The following NBAS variants were observed in gnomAD, a reference collection of about 807,000 sequenced individuals.
NBAS encodes the protein NBAS subunit of NRZ tethering complex, also known as NAG/BC035112 fusion.
NBAS carries 219 observed loss-of-function variants against 302.5 expected under a neutral mutation model. The observed-to-expected ratio is 0.72, with a 90% CI of 0.65 to 0.81. NBAS has a LOEUF of 0.81. Among genes scored for constraint, NBAS ranks in the 30% least tolerant of loss-of-function variants. NBAS has a pLI of 0.00. For missense variants in NBAS, 2,932 were observed against 2,841.6 expected (o/e 1.03, Z -0.72); for synonymous variants, 1,118 against 1,021.6 (o/e 1.09, Z -1.80).
chr2:15,558,693 T>A (rs940808838), intron 1 of NBAS, 59 bp from the exon 2 acceptor site: 10 of 1,241,684 alleles, frequency 8.1e-6, no homozygotes, highest in Non-Finnish European at 1.2e-5. Context: ...TAGACCAGTA[T>A]TACTTATACA....
chr2:15,542,437 G>A (rs1461457556), intron 6 of NBAS, among the ~76,000 whole-genome samples: 4 of 127,972 alleles, frequency 3.1e-5, no homozygotes, highest in Non-Finnish European at 5.0e-5. Context: ...CAGCATGCTC[G>A]TTAAGAGTCA....
chr2:15,483,449 T>C (rs2148602596), intron 12 of NBAS: 1 of 288,278 alleles, frequency 3.5e-6, no homozygotes, highest in East Asian at 9.7e-5. Flanking sequence ...GAAGTACAAA[T>C]AGACAAATAA....
At chr2:15,258,226 C>T (rs1243948615) in intron 44 of NBAS, among the ~76,000 whole-genome samples, 1 of 152,012 alleles carries the variant, frequency 6.6e-6, no homozygotes, top group Non-Finnish European at 1.5e-5. Flanking sequence ...GAGGATGTAC[C>T]TCACCTCAGA....
At chr2:15,467,230 T>C (rs1679760594) in intron 19 of NBAS, 99 bp downstream of exon 19, 3 of 887,240 alleles carry the variant, frequency 3.4e-6, no homozygotes, top group East Asian at 2.5e-5. Flanking sequence ...CCCAGAAAAA[T>C]AGTTCTAAAG....
the NBAS span, among the ~76,000 whole-genome samples, chr2:15,157,401 G>T: frequency 2.0e-5 from 3 of 152,142 alleles, no homozygotes; most frequent in Admixed American, 6.5e-5. Context: ...CAGAGCAGAA[G>T]AATTCTCACA....
chr2:15,470,939 C>CA (rs900877077), intron 16 of NBAS, among the ~76,000 whole-genome samples: 4 of 150,874 alleles, frequency 2.7e-5, no homozygotes, highest in South Asian at 4.2e-4. Context: ...CCAGCCTGGG[C>CA]AAAAAAAAGC....
intron 48 of NBAS, among the ~76,000 whole-genome samples, chr2:15,211,189 G>A (rs1324694696): frequency 2.0e-5 from 3 of 152,068 alleles, no homozygotes; most frequent in Non-Finnish European, 2.9e-5. Context: ...TTATCTTGAT[G>A]TGATTTTTAT....
At chr2:14,997,206 G>C in the NBAS span, among the ~76,000 whole-genome samples, 6 of 152,142 alleles carry the variant, frequency 3.9e-5, no homozygotes, top group African/African-American at 1.4e-4. Context: ...AAAGAGAAAA[G>C]TATTGGGTAC....
At chr2:15,228,551 A>G (rs896201285) in intron 47 of NBAS, among the ~76,000 whole-genome samples, 82 of 152,240 alleles carry the variant, frequency 5.4e-4, no homozygotes, top group Non-Finnish European at 2.2e-4. Context: ...TGTTTATTGC[A>G]GTACTATTCA....
chr2:14,900,310 A>T, the NBAS span, among the ~76,000 whole-genome samples: 2 of 152,194 alleles, frequency 1.3e-5, no homozygotes, highest in Admixed American at 1.3e-4. Flanking sequence ...GACAGAAAAA[A>T]GGCATGAATG....
At chr2:15,405,936 A>G (rs1016879032) in intron 25 of NBAS, among the ~76,000 whole-genome samples, 1 of 152,110 alleles carries the variant, frequency 6.6e-6, no homozygotes, top group Non-Finnish European at 1.5e-5. Context: ...TAATAGAACA[A>G]CATCCGCTAT....
intron 44 of NBAS, among the ~76,000 whole-genome samples, chr2:15,246,677 C>T (rs1262840202): frequency 6.6e-6 from 1 of 152,162 alleles, no homozygotes; most frequent in African/African-American, 2.4e-5. Context: ...CAAATGTTTG[C>T]CATTGGGACA....
the NBAS span, among the ~76,000 whole-genome samples, chr2:15,133,570 G>A: frequency 6.6e-6 from 1 of 152,158 alleles, no homozygotes; most frequent in Non-Finnish European, 1.5e-5. Context: ...TGGGAAAATT[G>A]AGTCTGACCT....
chr2:14,835,543 A>T, the NBAS span, among the ~76,000 whole-genome samples: 2 of 151,854 alleles, frequency 1.3e-5, no homozygotes, highest in Admixed American at 6.6e-5. Flanking sequence ...CCACCTAATG[A>T]TACATTCTTA....
At chr2:15,351,063 A>T (rs939259656) in intron 35 of NBAS, among the ~76,000 whole-genome samples, 3 of 152,192 alleles carry the variant, frequency 2.0e-5, no homozygotes, top group Non-Finnish European at 4.4e-5. Flanking sequence ...ATTTTTAGTC[A>T]CCAAAATTGA....
At chr2:15,553,874 CTCTCTCTCCCT>C (rs1664512142) in intron 4 of NBAS, among the ~76,000 whole-genome samples, 176 bp downstream of exon 4, 1 of 36,760 alleles carries the variant, frequency 2.7e-5, no homozygotes, top group Non-Finnish European at 1.4e-4. Flanking sequence ...CTCTCTCCCT[CTCTCTCTCCCT>C]CTCTCTCTTT....
the NBAS span, among the ~76,000 whole-genome samples, chr2:14,963,681 T>G: frequency 6.6e-6 from 1 of 152,240 alleles, no homozygotes; most frequent in African/African-American, 2.4e-5. Context: ...ACATTTCCCA[T>G]TTCTTGTCAC....
At chr2:15,440,314 C>A (rs1678301054) in intron 21 of NBAS, among the ~76,000 whole-genome samples, 1 of 152,164 alleles carries the variant, frequency 6.6e-6, no homozygotes, top group Admixed American at 6.5e-5. Context: ...GACAAAACTT[C>A]CAGAGGAATG....
At chr2:15,483,350 C>A in intron 12 of NBAS, 1 of 437,864 alleles carries the variant, frequency 2.3e-6, no homozygotes. Context: ...CATTCATCTA[C>A]TTAAGATTAG....
Sources: gnomAD v4.1 joint callset for allele counts (sites outside exome capture counted in the v4.1 genomes callset) on GRCh38, gnomAD v4.1.1 for gene constraint, MANE v1.5 for transcripts, NCBI Gene and HGNC (gene_info 2026-07-23, HGNC 2026-07-21) for gene names.